Variants in TTLL3 observed in about 807,000 individuals in gnomAD.
The protein encoded by TTLL3 is tubulin monoglycylase TTLL3.
In TTLL3, 63 loss-of-function variants were observed where a neutral mutation model predicts 75.2. That is an observed-to-expected ratio of 0.84 (90% CI 0.68 to 1.03). TTLL3 has a LOEUF of 1.03. Ranked by LOEUF, TTLL3 falls within the 50% of genes least tolerant of loss-of-function variation. TTLL3 has a pLI of 0.00. For missense variants in TTLL3, 997 were observed against 1,069.9 expected (o/e 0.93, Z 0.95); for synonymous variants, 393 against 418.5 (o/e 0.94, Z 0.74).
chr3:9,833,234 G>A lies in TTLL3; in HGVS notation c.1814G>A (p.Gly605Asp). The stretch of plus-strand genomic sequence containing the variant: ...GCAGTCCCTCTGCTGACCCAGCGAG[G>A]CTCTGGGGAAGGCAAGGACTCGGGG... ...RPAVPLLTQR[G>D]SGEARHHFPS... Residue 605 changes from glycine to aspartate, a missense_variant, in exon 12 of 14, where the codon GGC becomes GAC. By Grantham distance (94) the Gly-to-Asp change is moderately conservative. Transcript: ENST00000685419. 6.2e-7 allele frequency: 1 copy of A among 1,613,988 alleles called. No homozygotes were observed. Among genetic ancestry groups the A allele is most frequent in the Non-Finnish European group, 8.5e-7 (1 of 1,179,950 alleles).
At chr3:9,821,353 G>A (rs969525761) in intron 8 of TTLL3, among the ~76,000 whole-genome samples, 1 of 152,184 alleles carries the variant, frequency 6.6e-6, no homozygotes, top group Non-Finnish European at 1.5e-5. Flanking sequence ...AGCCCTGAAG[G>A]CAGAACACAC....
At chr3:9,818,984 T>C in intron 7 of TTLL3, 64 bp downstream of exon 7, 1 of 1,604,876 alleles carries the variant, frequency 6.2e-7, no homozygotes, top group Non-Finnish European at 8.5e-7. Context: ...CCCTTCCACC[T>C]ATCTGCCCTT....
intron 4 of TTLL3, among the ~76,000 whole-genome samples, chr3:9,813,978 T>G (rs1358132491): frequency 6.6e-6 from 1 of 151,730 alleles, no homozygotes; most frequent in African/African-American, 2.4e-5. Context: ...CCTTGGTAAG[T>G]GAAGGCAGGA....
chr3:9,826,394 A>G lies in TTLL3; in HGVS notation c.1003+446A>G, dbSNP rs571995869. On this transcript the variant is annotated intron_variant, in intron 9 of 13. Transcript: ENST00000685419. ...TAATTTTTGTTTTGTTTTATAGTCT[A>G]TTTATTATTGGTAGGAACGTAATAG... 1.3e-4 allele frequency among the ~76,000 whole-genome samples: 20 copies of G among 152,208 alleles called. No homozygotes were observed. The South Asian group carries it at 3.5e-3, about 27-fold the overall frequency.
chr3:9,825,238 A>C (rs1236158631), intron 8 of TTLL3, among the ~76,000 whole-genome samples: 1 of 150,786 alleles, frequency 6.6e-6, no homozygotes, highest in Non-Finnish European at 1.5e-5. Flanking sequence ...AATTCCAACT[A>C]CTTGGGAGGC....
At chr3:9,822,093 T>C (rs1199933022) in intron 8 of TTLL3, among the ~76,000 whole-genome samples, 1 of 106,696 alleles carries the variant, frequency 9.4e-6, no homozygotes. Context: ...TGAGACAGAA[T>C]CTTGTTCTGT....
chr3:9,810,177 C>A, upstream of TTLL3: 1 of 1,470,578 alleles, frequency 6.8e-7, no homozygotes, highest in South Asian at 1.3e-5. This position sits in a 1 kb window ranked among gnomAD's most constrained non-coding sequence, Gnocchi z 4.4. Flanking sequence ...GCTCCGAGTT[C>A]CGTCCACCCA....
intron 12 of TTLL3, 105 bp downstream of exon 12, chr3:9,833,350 GC>G: frequency 6.5e-7 from 1 of 1,538,980 alleles, no homozygotes; most frequent in African/African-American, 1.4e-5. Flanking sequence ...CACCACTTCA[GC>G]CCCCGGAAAG....
intron 11 of TTLL3, among the ~76,000 whole-genome samples, chr3:9,830,948 G>A (rs1473849731): frequency 1.3e-5 from 2 of 152,088 alleles, no homozygotes; most frequent in African/African-American, 2.4e-5. Flanking sequence ...GACTACAGGT[G>A]CCTGCCACCA....
intron 7 of TTLL3, 116 bp downstream of exon 7, chr3:9,819,036 C>G: frequency 7.5e-7 from 1 of 1,328,748 alleles, no homozygotes; most frequent in Non-Finnish European, 1.1e-6. Flanking sequence ...TTCATCCACA[C>G]ATCTGTGTAT....
rs914576366 is a variant in TTLL3, at chr3:9,819,755, G to C, written c.659-791G>C. ...AGCAGAGGCAGCTCTCCAGGAAGGA[G>C]GAAAATCCCTGCCTCTTCCAGAGAG... On this transcript the variant is annotated intron_variant, in intron 7 of 13. Transcript: ENST00000685419. The C allele has an allele frequency of 4.4e-5, 43 of 985,382 alleles. No individual in the cohort carries two copies. In the Admixed American group the frequency reaches 6.1e-4, roughly 14 times the overall value. The allele number at this position is 985,382 out of a possible 1,614,324, so 61.0% of individuals were successfully genotyped here.
At chr3:9,818,657 C>T (rs1263444890) in intron 6 of TTLL3, 165 bp from the exon 7 acceptor site, 5 of 1,476,636 alleles carry the variant, frequency 3.4e-6, no homozygotes, top group South Asian at 2.7e-5. Flanking sequence ...CGTCAGCCAC[C>T]GTGACCAGCC....
chr3:9,818,995 C>G (rs1471011026), intron 7 of TTLL3, 75 bp downstream of exon 7: 1 of 1,591,548 alleles, frequency 6.3e-7, no homozygotes, highest in Non-Finnish European at 8.6e-7. Flanking sequence ...ATCTGCCCTT[C>G]TACCTATCTA....
chr3:9,810,766 C>G lies in TTLL3; in HGVS notation c.48+57C>G. 2 of 1,460,976 alleles carry G rather than the reference C, an allele frequency of 1.4e-6. No individual in the cohort carries two copies. The highest frequency in any genetic ancestry group is 1.8e-6 in the Non-Finnish European group (2 of 1,085,738). 90.5% of individuals were successfully genotyped at this position (1,460,976 alleles called of 1,614,324 possible). ...GCCCTGGGAGCGGCTCAGCCTGTCT[C>G]CCTGCGCTGTTTTCTTATATCCTTA... On this transcript the variant is annotated intron_variant, in intron 2 of 13. Transcript: ENST00000685419. This position sits in a 1 kb window ranked among gnomAD's most constrained non-coding sequence, Gnocchi z 4.4.
In TTLL3 at chr3:9,810,446, C is replaced by G; in HGVS notation, c.-42+52C>G. ...TGGCCTACAGCGGCTGCGAGGACGA[C>G]AAGACGCTGGGGTGGAGGGACTGGG... On this transcript the variant is annotated intron_variant, in intron 1 of 13. Transcript: ENST00000685419. This position sits in a 1 kb window ranked among gnomAD's most constrained non-coding sequence, Gnocchi z 4.4. 2.8e-6 allele frequency: 4 copies of G among 1,429,364 alleles called. No homozygotes were observed. The highest frequency in any genetic ancestry group is 3.6e-6 in the Non-Finnish European group (4 of 1,096,206). The allele number at this position is 1,429,364 out of a possible 1,614,324, so 88.5% of individuals were successfully genotyped here.
chr3:9,814,131 C>T (rs2079594891), intron 4 of TTLL3, among the ~76,000 whole-genome samples: 1 of 151,688 alleles, frequency 6.6e-6, no homozygotes, highest in South Asian at 2.1e-4. Context: ...GAAAACCCAT[C>T]TCTACTAAAA....
chr3:9,823,332 C>A (rs1013833537), intron 8 of TTLL3, among the ~76,000 whole-genome samples: 4 of 150,622 alleles, frequency 2.7e-5, no homozygotes, highest in African/African-American at 9.8e-5. Flanking sequence ...TGCAGTGAGC[C>A]GAGATCGCGC....
intron 5 of TTLL3, 70 bp downstream of exon 5, chr3:9,816,272 T>A: frequency 7.7e-7 from 1 of 1,290,660 alleles, no homozygotes; most frequent in Non-Finnish European, 1.0e-6. Flanking sequence ...CTCTCCTCCC[T>A]GCTCACCTTG....
intron 11 of TTLL3, 95 bp downstream of exon 11, chr3:9,829,490 T>G: frequency 6.9e-7 from 1 of 1,448,274 alleles, no homozygotes; most frequent in Non-Finnish European, 9.1e-7. Context: ...TCAGACCCAG[T>G]TTAAGACCCA....
Sources: allele counts gnomAD v4.1 joint callset (sites outside exome capture counted in the v4.1 genomes callset), GRCh38; gene constraint gnomAD v4.1.1; non-coding constraint Gnocchi (gnomAD v3.1); transcripts MANE v1.5; gene names NCBI Gene and HGNC (gene_info 2026-07-23, HGNC 2026-07-21).